The following ARL10 variants were observed in gnomAD, a reference collection of about 807,000 sequenced individuals.
ARL10 encodes the protein ARF like GTPase 10.
Under a neutral mutation model 26.1 loss-of-function variants are expected in ARL10, and 23 were observed. The observed-to-expected ratio is 0.88, with a 90% CI of 0.63 to 1.25. ARL10 has a LOEUF of 1.25. Among genes scored for constraint, ARL10 ranks in the 50% most tolerant of loss-of-function variants. The pLI is 0.00. For missense variants in ARL10, 300 were observed against 323.6 expected (o/e 0.93, Z 0.56); for synonymous variants, 138 against 149.1 (o/e 0.93, Z 0.54).
chr5:176,403,970 G>A (rs183241283), downstream of ARL10, among the ~76,000 whole-genome samples: 133 of 150,832 alleles, frequency 8.8e-4, no homozygotes, highest in Middle Eastern at 7.4e-3. Flanking sequence ...ATGTTGTCCA[G>A]GCTGGTCTCA....
At chr5:176,390,863 G>A (rs553586330), downstream of ARL10, among the ~76,000 whole-genome samples, 1 of 152,188 alleles carries the variant, frequency 6.6e-6, no homozygotes, top group Non-Finnish European at 1.5e-5. Flanking sequence ...CATAGTGTTT[G>A]AGGGTTCTGG....
the ARL10 span, among the ~76,000 whole-genome samples, chr5:176,407,314 T>C: frequency 2.6e-5 from 4 of 152,192 alleles, no homozygotes; most frequent in Non-Finnish European, 5.9e-5. Flanking sequence ...TTCTAGGTAC[T>C]TTCTTTTTTG....
chr5:176,405,019 C>A (rs1757034482), downstream of ARL10, among the ~76,000 whole-genome samples: 1 of 152,214 alleles, frequency 6.6e-6, no homozygotes, highest in South Asian at 2.1e-4. Flanking sequence ...GGAATAATGA[C>A]AACCAACATC....
intron 1 of ARL10, chr5:176,387,083 TTTTTTTC>T: frequency 1.7e-6 from 1 of 587,292 alleles, no homozygotes; most frequent in Admixed American, 3.0e-5. Flanking sequence ...TCTCTCTTTT[TTTTTTTC>T]TTTTTCTTTT....
At chr5:176,412,249 C>G in the ARL10 span, among the ~76,000 whole-genome samples, 2 of 151,854 alleles carry the variant, frequency 1.3e-5, no homozygotes, top group African/African-American at 4.8e-5. Flanking sequence ...GTCACCTCCT[C>G]TGGGAAGCCC....
downstream of ARL10, among the ~76,000 whole-genome samples, chr5:176,390,854 A>G (rs1484614240): frequency 2.0e-5 from 3 of 152,188 alleles, no homozygotes; most frequent in Non-Finnish European, 4.4e-5. Flanking sequence ...ATTTGTGTAC[A>G]TAGTGTTTGA....
At chr5:176,403,532 G>A (rs1032588556), downstream of ARL10, among the ~76,000 whole-genome samples, 3 of 151,928 alleles carry the variant, frequency 2.0e-5, no homozygotes, top group Non-Finnish European at 4.4e-5. Flanking sequence ...TCGGCCCACT[G>A]CAACCTCCGC....
At chr5:176,394,604 T>G (rs1362670203) in intron 1 of ARL10, among the ~76,000 whole-genome samples, 3 of 146,482 alleles carry the variant, frequency 2.0e-5, no homozygotes, top group Non-Finnish European at 4.4e-5. Flanking sequence ...GATCACGAGG[T>G]CAGATGGAGA....
At chr5:176,414,560 C>T in the ARL10 span, among the ~76,000 whole-genome samples, 3 of 152,058 alleles carry the variant, frequency 2.0e-5, no homozygotes, top group Admixed American at 6.6e-5. Flanking sequence ...CTCAGCCTTC[C>T]CGAGCAGCTG....
At chr5:176,403,444 G>GT (rs1413762321), downstream of ARL10, among the ~76,000 whole-genome samples, 3 of 147,832 alleles carry the variant, frequency 2.0e-5, no homozygotes, top group South Asian at 4.4e-4. Context: ...GTTTTTTGGT[G>GT]TTTTTTTGTT....
chr5:176,396,606 TAG>T (rs374264390), intron 1 of ARL10: 60,116 of 761,092 alleles, frequency 0.079, 9 homozygotes, highest in South Asian at 0.15. Flanking sequence ...GGCAGAAGGT[TAG>T]AGAGAGAGAG....
At chr5:176,365,834 C>G in intron 1 of ARL10, 88 bp downstream of exon 1, 1 of 1,212,196 alleles carries the variant, frequency 8.2e-7, no homozygotes, top group Non-Finnish European at 1.0e-6. Context: ...CACGGAACGG[C>G]CCTGCTGGTG....
the ARL10 span, among the ~76,000 whole-genome samples, chr5:176,409,948 GA>G: frequency 1.3e-5 from 2 of 152,176 alleles, no homozygotes; most frequent in Non-Finnish European, 2.9e-5. Flanking sequence ...AGTGGTGAGG[GA>G]AGGCCTTGCG....
chr5:176,412,853 T>C, the ARL10 span, among the ~76,000 whole-genome samples: 1 of 152,242 alleles, frequency 6.6e-6, no homozygotes, highest in Non-Finnish European at 1.5e-5. Flanking sequence ...GCAAAGGGGC[T>C]TCTTCTGCTG....
chr5:176,412,069 G>A, the ARL10 span, among the ~76,000 whole-genome samples: 5 of 151,800 alleles, frequency 3.3e-5, no homozygotes, highest in Non-Finnish European at 4.4e-5. Flanking sequence ...CCAGCCACTC[G>A]GGAGGCTGAG....
At position 176,368,422 on chromosome 5, in the gene ARL10, T is replaced by A. The variant is rs1479423804; in HGVS notation, c.386-385T>A. ...AACCCAGGGGAGAGAACTGAAGACTTCCATTTACTGAGCACCTGTGTGTCA... is the reference window on the plus strand; with the variant it reads ...AACCCAGGGGAGAGAACTGAAGACTACCATTTACTGAGCACCTGTGTGTCA... On this transcript the variant is annotated intron_variant, in intron 2 of 3. Transcript: ENST00000310389. The surrounding 1 kb of genome is among the most constrained non-coding windows in gnomAD (Gnocchi z 4.1). Among the ~76,000 whole-genome samples the A allele has an allele frequency of 6.6e-6, 1 of 151,942 alleles. No individual in the cohort carries two copies. Among genetic ancestry groups the A allele is most frequent in the Non-Finnish European group, 1.5e-5 (1 of 67,986 alleles).
chr5:176,384,844 C>A, downstream of ARL10: 1 of 465,714 alleles, frequency 2.1e-6, no homozygotes, highest in Non-Finnish European at 3.8e-6. Context: ...GCTCATGACC[C>A]ATCATAGCCA....
At chr5:176,409,848 T>C in the ARL10 span, among the ~76,000 whole-genome samples, 17 of 152,374 alleles carry the variant, frequency 1.1e-4, no homozygotes, top group South Asian at 2.7e-3. Context: ...CCTTGTCCAA[T>C]TATTTCCTTT....
At chr5:176,403,216 C>CT (rs925039483), downstream of ARL10, among the ~76,000 whole-genome samples, 3 of 151,656 alleles carry the variant, frequency 2.0e-5, no homozygotes, top group African/African-American at 4.8e-5. Context: ...CACCTGGCTA[C>CT]TTTTTTTATT....
Sources: gnomAD v4.1 joint callset for allele counts (sites outside exome capture counted in the v4.1 genomes callset) on GRCh38, gnomAD v4.1.1 for gene constraint, Gnocchi (gnomAD v3.1) non-coding constraint, MANE v1.5 for transcripts, NCBI Gene and HGNC (gene_info 2026-07-23, HGNC 2026-07-21) for gene names.